GALNT10: variants seen among roughly 807,000 people sequenced by gnomAD.
GALNT10 encodes GalNAc transferase 10.
A neutral mutation model predicts 75.0 loss-of-function variants in GALNT10; 41 were observed. The ratio of observed to expected loss-of-function variants is 0.55; its 90% CI spans 0.43 to 0.71. The LOEUF is 0.71. Ranked by LOEUF, GALNT10 falls within the 30% of genes least tolerant of loss-of-function variation. GALNT10 has a pLI of 0.00. For synonymous variants in GALNT10, 302 were observed against 313.0 expected (o/e 0.96, Z 0.37); for missense variants, 727 against 818.5 (o/e 0.89, Z 1.36).
At chr5:154,294,953 G>A in intron 2 of GALNT10, 35 bp downstream of exon 2, 4 of 966,966 alleles carry the variant, frequency 4.1e-6, no homozygotes, top group Middle Eastern at 2.1e-4. Context: ...GGTGGGCTCT[G>A]TGAAGGGCAT....
At chr5:154,303,224 A>G (rs1365429897) in intron 3 of GALNT10, among the ~76,000 whole-genome samples, 1 of 152,232 alleles carries the variant, frequency 6.6e-6, no homozygotes, top group Non-Finnish European at 1.5e-5. Context: ...GGTGAGCCCT[A>G]TAGTTGCCCC....
chr5:154,347,184 T>C, intron 4 of GALNT10: 1 of 512,010 alleles, frequency 2.0e-6, no homozygotes, highest in Non-Finnish European at 3.9e-6. Context: ...TGGCATTGTC[T>C]GATATACAAC....
intron 3 of GALNT10, among the ~76,000 whole-genome samples, chr5:154,313,694 T>C (rs1037622598): frequency 4.6e-5 from 7 of 152,122 alleles, no homozygotes; most frequent in African/African-American, 1.7e-4. Flanking sequence ...CCAGTCAGAC[T>C]GTGTTAAAGA....
intron 1 of GALNT10, among the ~76,000 whole-genome samples, chr5:154,202,085 G>A (rs1775036034): frequency 6.6e-6 from 1 of 152,202 alleles, no homozygotes; most frequent in Non-Finnish European, 1.5e-5. Context: ...AGGTTTCCCA[G>A]CAGAAATGGT....
chr5:154,346,117 G>C (rs1755120082), intron 4 of GALNT10, among the ~76,000 whole-genome samples: 1 of 146,552 alleles, frequency 6.8e-6, no homozygotes, highest in Non-Finnish European at 1.5e-5. Context: ...TCTTTTTTAA[G>C]GCTGAATAAT....
chr5:154,214,881 T>C (rs556398504), intron 1 of GALNT10, among the ~76,000 whole-genome samples: 2 of 152,320 alleles, frequency 1.3e-5, no homozygotes, highest in South Asian at 4.1e-4. Flanking sequence ...TCAGAGCAAT[T>C]ACTTAAACTC....
intron 5 of GALNT10, among the ~76,000 whole-genome samples, chr5:154,377,038 G>A (rs941403495): frequency 2.0e-5 from 3 of 152,204 alleles, no homozygotes; most frequent in Non-Finnish European, 4.4e-5. Context: ...CTCCTTCGCA[G>A]TTCTACATTG....
intron 4 of GALNT10, among the ~76,000 whole-genome samples, chr5:154,348,376 C>T (rs1402202597): frequency 6.6e-6 from 1 of 152,194 alleles, no homozygotes; most frequent in Admixed American, 6.5e-5. Context: ...CTCCAAGTCG[C>T]GCTATTCATA....
At position 154,417,411 on chromosome 5, in the gene GALNT10, T is replaced by G. The variant is rs1034278369; in HGVS notation, c.*439T>G. 2 of 158,200 alleles carry G rather than the reference T, an allele frequency of 1.3e-5. No individual in the cohort carries two copies. The highest frequency in any genetic ancestry group is 4.8e-5 in the African/African-American group (2 of 41,544). The allele number at this position is 158,200 out of a possible 1,614,324, so 9.8% of individuals were successfully genotyped here. Reference sequence around the variant, plus strand: ...AAAATTTGCCTGTTTGGGGCAGCTTTTAGTATCGATGCCACTCATCTGCAG... The same window carrying G: ...AAAATTTGCCTGTTTGGGGCAGCTTGTAGTATCGATGCCACTCATCTGCAG... On this transcript the variant is annotated 3_prime_UTR_variant, in exon 12 of 12. Transcript: ENST00000297107.
chr5:154,292,619 G>A (rs1754210741), intron 1 of GALNT10, among the ~76,000 whole-genome samples: 1 of 152,212 alleles, frequency 6.6e-6, no homozygotes, highest in South Asian at 2.1e-4. Flanking sequence ...CCTACCCCAA[G>A]GCTTGGTTTC....
At position 154,298,539 on chromosome 5, in the gene GALNT10, G is replaced by T. The variant is rs142960550; in HGVS notation, c.401+460G>T. Among the ~76,000 whole-genome samples the T allele has an allele frequency of 1.3e-5, 2 of 152,152 alleles. No homozygotes were observed. Among genetic ancestry groups the T allele is most frequent in the Non-Finnish European group, 2.9e-5 (2 of 68,026 alleles). ...ACAACAATGGCATCTAACATTCTTT[G>T]AACCGGTACTATGTGCCAAACGCTT... is the stretch of plus-strand genomic sequence containing the variant. On this transcript the variant is annotated intron_variant, in intron 3 of 11. Coordinates refer to ENST00000297107, the MANE Select transcript of GALNT10 (RefSeq NM_198321.4). This position sits in a 1 kb window ranked among gnomAD's most constrained non-coding sequence, Gnocchi z 4.1.
chr5:154,280,780 G>C (rs1172217811), intron 1 of GALNT10, among the ~76,000 whole-genome samples: 2 of 152,154 alleles, frequency 1.3e-5, no homozygotes, highest in African/African-American at 4.8e-5. Flanking sequence ...TTAGGTCTAT[G>C]ATCTATTTCA....
chr5:154,225,070 C>T (rs183488025), intron 1 of GALNT10, among the ~76,000 whole-genome samples: 5 of 151,888 alleles, frequency 3.3e-5, no homozygotes, highest in Admixed American at 3.3e-4. Flanking sequence ...GCGTGAGCCA[C>T]CACACCTGGC....
intron 4 of GALNT10, among the ~76,000 whole-genome samples, chr5:154,366,308 A>G (rs1755473574): frequency 6.6e-6 from 1 of 152,252 alleles, no homozygotes; most frequent in Non-Finnish European, 1.5e-5. Flanking sequence ...TAGGCAGGTT[A>G]TACTACATAT....
intron 1 of GALNT10, among the ~76,000 whole-genome samples, chr5:154,232,485 G>A (rs1468622140): frequency 1.3e-5 from 2 of 152,178 alleles, no homozygotes; most frequent in African/African-American, 2.4e-5. Flanking sequence ...TGGGGTGGTG[G>A]GGGAACAGAC....
Position 154,415,775 on chromosome 5 carries a change from G to A in GALNT10, c.1504-8G>A. On this transcript the variant is annotated splice_region_variant and splice_polypyrimidine_tract_variant and intron_variant, in intron 10 of 11. Coordinates refer to ENST00000297107, the MANE Select transcript of GALNT10 (RefSeq NM_198321.4). ...TGCTATCCCTATTTATGATGCCCCT[G>A]TGCACAGGTATTCACCTTCACCTGG... The A allele has an allele frequency of 3.1e-6, 5 of 1,613,566 alleles. No individual in the cohort carries two copies. Among genetic ancestry groups the A allele is most frequent in the Non-Finnish European group, 4.2e-6 (5 of 1,179,584 alleles).
chr5:154,282,222 A>T (rs1394984842), intron 1 of GALNT10, among the ~76,000 whole-genome samples: 1 of 152,200 alleles, frequency 6.6e-6, no homozygotes, highest in Non-Finnish European at 1.5e-5. Context: ...TCTCTCCATA[A>T]CAGCATTAAT....
intron 3 of GALNT10, among the ~76,000 whole-genome samples, chr5:154,313,381 G>A (rs1358908377): frequency 6.6e-6 from 1 of 151,482 alleles, no homozygotes; most frequent in Non-Finnish European, 1.5e-5. Context: ...TTCCCAAAAT[G>A]TAAGTTCAAA....
Position 154,411,316 on chromosome 5 carries a change from C to A in GALNT10, c.1386+1554C>A, listed in dbSNP as rs531894033. On this transcript the variant is annotated intron_variant, in intron 9 of 11. Transcript: ENST00000297107. ...CATGCTGAAGGTATCAAAATGGCTT[C>A]CAGAAGCTTCAGGCTGACCAACCCC... Among the ~76,000 whole-genome samples the A allele has an allele frequency of 4.6e-5, 7 of 152,326 alleles. No homozygotes were observed. In the South Asian group the frequency reaches 1.4e-3, roughly 32 times the overall value.
Sources: allele counts gnomAD v4.1 joint callset (sites outside exome capture counted in the v4.1 genomes callset), GRCh38; gene constraint gnomAD v4.1.1; non-coding constraint Gnocchi (gnomAD v3.1); transcripts MANE v1.5; gene names NCBI Gene and HGNC (gene_info 2026-07-23, HGNC 2026-07-21).